PHACTR3: variants seen among roughly 807,000 people sequenced by gnomAD.
The protein encoded by PHACTR3 is protein phosphatase 1, regulatory subunit 123.
Under a neutral mutation model 66.8 loss-of-function variants are expected in PHACTR3, and 16 were observed. The observed-to-expected ratio is 0.24, with a 90% CI of 0.16 to 0.36. The LOEUF is 0.36. Among genes scored for constraint, PHACTR3 ranks in the 10% least tolerant of loss-of-function variants. The pLI is 1.00. For missense variants in PHACTR3, 647 were observed against 719.9 expected (o/e 0.90, Z 1.16); for synonymous variants, 323 against 292.1 (o/e 1.11, Z -1.08).
intron 1 of PHACTR3, among the ~76,000 whole-genome samples, chr20:59,712,708 T>C (rs1347813834): frequency 6.6e-6 from 1 of 152,256 alleles, no homozygotes; most frequent in Non-Finnish European, 1.5e-5. Flanking sequence ...ATTTTCTGGG[T>C]GACTTGTATT....
rs1010761724 is a variant in PHACTR3, at chr20:59,736,126, G to A, written c.119-6981G>A. On this transcript the variant is annotated intron_variant, in intron 1 of 12. Coordinates refer to ENST00000371015, the MANE Select transcript of PHACTR3 (RefSeq NM_080672.5). The surrounding 1 kb of genome is among the most constrained non-coding windows in gnomAD (Gnocchi z 4.6). ...TTGCAAGCATGTGACATCAGCAGGGGAGGGCCAGCTGCCCCATCCATCATC... is the reference window on the plus strand; with the variant it reads ...TTGCAAGCATGTGACATCAGCAGGGAAGGGCCAGCTGCCCCATCCATCATC... 3.3e-5 allele frequency among the ~76,000 whole-genome samples: 5 copies of A among 152,118 alleles called. No individual in the cohort carries two copies. The highest frequency in any genetic ancestry group is 1.2e-4 in the African/African-American group (5 of 41,428).
intron 1 of PHACTR3, among the ~76,000 whole-genome samples, chr20:59,692,267 A>G (rs1202926455): frequency 2.6e-5 from 4 of 152,216 alleles, no homozygotes; most frequent in Non-Finnish European, 4.4e-5. Flanking sequence ...CAACGGGGCC[A>G]CTGGCCTAGA....
intron 12 of PHACTR3, among the ~76,000 whole-genome samples, chr20:59,845,566 T>A (rs1013092097): frequency 6.6e-6 from 1 of 152,200 alleles, no homozygotes. Context: ...TTAATTCCCC[T>A]CTAATATTCA....
chr20:59,846,383 G>GT (rs913637549), intron 12 of PHACTR3, among the ~76,000 whole-genome samples: 1 of 152,120 alleles, frequency 6.6e-6, no homozygotes, highest in Non-Finnish European at 1.5e-5. Flanking sequence ...CAAAGAGTTT[G>GT]TTTTTTAAGG....
intron 1 of PHACTR3, among the ~76,000 whole-genome samples, chr20:59,657,921 T>G (rs915872717): frequency 9.2e-5 from 14 of 152,194 alleles, no homozygotes; most frequent in Non-Finnish European, 1.5e-4. Context: ...TCTTCTCTTA[T>G]TCTGGTACTC....
intron 1 of PHACTR3, among the ~76,000 whole-genome samples, chr20:59,706,170 C>T (rs990916642): frequency 3.9e-5 from 6 of 152,288 alleles, no homozygotes; most frequent in African/African-American, 1.4e-4. Flanking sequence ...AATTCCCTGA[C>T]GAACTCAAAC....
At chr20:59,615,498 G>A (rs557497955) in intron 1 of PHACTR3, among the ~76,000 whole-genome samples, 1 of 152,186 alleles carries the variant, frequency 6.6e-6, no homozygotes, top group Admixed American at 6.5e-5. Flanking sequence ...TAAGTGCCAG[G>A]CCTCTCAAAC....
At chr20:59,809,913 T>C (rs1423269402) in intron 8 of PHACTR3, among the ~76,000 whole-genome samples, 2 of 152,242 alleles carry the variant, frequency 1.3e-5, no homozygotes, top group African/African-American at 4.8e-5. Flanking sequence ...ATGTGCTTTA[T>C]GGTTCGCACT....
At chr20:59,585,749 C>G (rs1008131112) in intron 1 of PHACTR3, among the ~76,000 whole-genome samples, 1 of 152,176 alleles carries the variant, frequency 6.6e-6, no homozygotes, top group African/African-American at 2.4e-5. Flanking sequence ...CTCTCCTCAC[C>G]CGCGTGCAGA....
intron 1 of PHACTR3, among the ~76,000 whole-genome samples, chr20:59,687,178 ATAG>A (rs1288654204): frequency 6.7e-6 from 1 of 148,966 alleles, no homozygotes; most frequent in Non-Finnish European, 1.5e-5. Context: ...GGTGGTGGTG[ATAG>A]TGGTGATGAC....
At chr20:59,661,639 A>G (rs907496220) in intron 1 of PHACTR3, among the ~76,000 whole-genome samples, 3 of 152,174 alleles carry the variant, frequency 2.0e-5, no homozygotes, top group Non-Finnish European at 4.4e-5. Context: ...AACAAGCTTC[A>G]AAATTGTCCA....
At chr20:59,699,732 G>A (rs570112023) in intron 1 of PHACTR3, among the ~76,000 whole-genome samples, 1 of 152,262 alleles carries the variant, frequency 6.6e-6, no homozygotes, top group East Asian at 1.9e-4. Context: ...GGGAGGCCGA[G>A]GTGGGTGGAT....
At chr20:59,603,224 C>T (rs936670350), upstream of PHACTR3, among the ~76,000 whole-genome samples, 3 of 152,154 alleles carry the variant, frequency 2.0e-5, no homozygotes, top group Admixed American at 6.5e-5. Context: ...TGACCATTCT[C>T]GGCTTCACCC....
chr20:59,591,258 G>C (rs2033175798), intron 1 of PHACTR3, among the ~76,000 whole-genome samples: 1 of 152,162 alleles, frequency 6.6e-6, no homozygotes, highest in South Asian at 2.1e-4. Flanking sequence ...GAAGGCACCT[G>C]CTCCTCCCTC....
intron 7 of PHACTR3, among the ~76,000 whole-genome samples, chr20:59,778,093 C>T (rs192871830): frequency 6.6e-6 from 1 of 152,174 alleles, no homozygotes; most frequent in Admixed American, 6.5e-5. Flanking sequence ...GAGCAGTTCG[C>T]GGGTCCAGCC....
intron 1 of PHACTR3, among the ~76,000 whole-genome samples, chr20:59,579,651 G>A (rs966113115): frequency 6.6e-6 from 1 of 152,246 alleles, no homozygotes; most frequent in Non-Finnish European, 1.5e-5. Flanking sequence ...GTCCCTCTGT[G>A]TCTGAGAGAA....
At chr20:59,795,248 G>C (rs1056297651) in intron 7 of PHACTR3, among the ~76,000 whole-genome samples, 1 of 151,646 alleles carries the variant, frequency 6.6e-6, no homozygotes, top group Admixed American at 6.6e-5. Flanking sequence ...TGACTCCTTG[G>C]TTATTCAGGA....
At chr20:59,678,659 G>A (rs573573753) in intron 1 of PHACTR3, among the ~76,000 whole-genome samples, 7 of 152,180 alleles carry the variant, frequency 4.6e-5, no homozygotes, top group Non-Finnish European at 1.0e-4. Context: ...TCTGTGTTTT[G>A]TGGGGCAGAA....
intron 1 of PHACTR3, among the ~76,000 whole-genome samples, chr20:59,647,786 A>AGGTCCC (rs1290846902): frequency 1.3e-5 from 2 of 152,194 alleles, no homozygotes; most frequent in African/African-American, 2.4e-5. Context: ...CCCTGGATTC[A>AGGTCCC]GGTCCCAGTC....
Sources: gnomAD v4.1 joint callset for allele counts (sites outside exome capture counted in the v4.1 genomes callset) on GRCh38, gnomAD v4.1.1 for gene constraint, Gnocchi (gnomAD v3.1) non-coding constraint, MANE v1.5 for transcripts, NCBI Gene and HGNC (gene_info 2026-07-23, HGNC 2026-07-21) for gene names.